The following ANKRD27 variants were observed in gnomAD, a reference collection of about 807,000 sequenced individuals.
The protein encoded by ANKRD27 is ankyrin repeat domain 27.
Under a neutral mutation model 129.7 loss-of-function variants are expected in ANKRD27, and 112 were observed. The observed-to-expected ratio is 0.86, with a 90% CI of 0.74 to 1.01. The LOEUF (loss-of-function observed/expected upper bound fraction) is 1.01, where lower values mean the gene tolerates loss of function less well. Among genes scored for constraint, ANKRD27 ranks in the 50% least tolerant of loss-of-function variants. ANKRD27 has a pLI of 0.00. For missense variants in ANKRD27, 1,258 were observed against 1,300.5 expected, an observed-to-expected ratio of 0.97 and a Z score of 0.50; for synonymous variants, 516 against 511.2, an observed-to-expected ratio of 1.01 and a Z score of -0.13.
At chr19:32,599,676 G>T in intron 28 of ANKRD27, 28 bp downstream of exon 28, 2 of 1,589,366 alleles carry the variant, frequency 1.3e-6, no homozygotes, top group Non-Finnish European at 1.7e-6. Context: ...TAGAAAATAT[G>T]ATTAAAAGCC....
Position 32,644,386 on chromosome 19 carries a change from T to G in ANKRD27, c.464A>C (p.Asn155Thr). The G allele has an allele frequency of 5.0e-6, 8 of 1,614,072 alleles. No individual in the cohort carries two copies. Among genetic ancestry groups the G allele is most frequent in the Non-Finnish European group, 6.8e-6 (8 of 1,180,008 alleles). Residue 155 changes from asparagine to threonine, a missense_variant, in exon 5 of 29, where the codon AAC (asparagine) becomes ACC (threonine). Physicochemically the swap from Asn to Thr is moderately conservative, Grantham distance 65 (BLOSUM62 0). Coordinates refer to ENST00000306065, the MANE Select transcript of ANKRD27 (RefSeq NM_032139.3). ...GAATGTTCGATGGAAAGAGGCGATG[T>G]TCCTGTCAAATCGCTCGGAGTGTCT... ...LGRHSERFDR[N>T]IASFHRTFRE...
At chr19:32,673,182 G>A (rs948807603) in intron 1 of ANKRD27, 59 of 614,530 alleles carry the variant, frequency 9.6e-5, no homozygotes, top group South Asian at 7.2e-5. Flanking sequence ...TCCCAGGGAA[G>A]CTGCCGGCCA....
chr19:32,600,613 T>C (rs555949692), intron 26 of ANKRD27, among the ~76,000 whole-genome samples: 7 of 152,294 alleles, frequency 4.6e-5, no homozygotes, highest in African/African-American at 1.7e-4. Flanking sequence ...ATTTCCTGAT[T>C]TGGATCCTCA....
At chr19:32,668,933 C>A (rs1207757120) in intron 1 of ANKRD27, among the ~76,000 whole-genome samples, 2 of 152,088 alleles carry the variant, frequency 1.3e-5, no homozygotes, top group Non-Finnish European at 2.9e-5. Context: ...GATGAAGAAA[C>A]TGAGATGCAG....
chr19:32,628,328 G>A (rs1318995613), intron 14 of ANKRD27, among the ~76,000 whole-genome samples, 163 bp from the exon 15 acceptor site: 4 of 152,180 alleles, frequency 2.6e-5, no homozygotes, highest in South Asian at 4.1e-4. Flanking sequence ...CCAGCATGAG[G>A]AACAGAGGCA....
At chr19:32,668,264 C>T (rs148815183) in intron 1 of ANKRD27, among the ~76,000 whole-genome samples, 109 of 152,196 alleles carry the variant, frequency 7.2e-4, no homozygotes, top group African/African-American at 2.6e-3. Flanking sequence ...GCAATCCTCC[C>T]ACCTTAGCCT....
rs2145308331 is a variant in ANKRD27 at position 32,649,805 on chromosome 19, A to C, written c.103-13T>G. 1.3e-6 allele frequency: 2 copies of C among 1,557,982 alleles called. No homozygotes were observed. Among genetic ancestry groups the C allele is most frequent in the East Asian group, 4.5e-5 (2 of 44,644 alleles). ...AGGGTACTAAGACCTGGAAAAAACA[A>C]TTCGGGGCAACATTAGACAGACGTG... is the stretch of plus-strand genomic sequence containing the variant. On this transcript the variant is annotated splice_polypyrimidine_tract_variant and intron_variant, in intron 2 of 28. Coordinates refer to ENST00000306065, the MANE Select transcript of ANKRD27 (RefSeq NM_032139.3).
At chr19:32,656,517 C>T (rs1035161865) in intron 2 of ANKRD27, among the ~76,000 whole-genome samples, 3 of 152,002 alleles carry the variant, frequency 2.0e-5, no homozygotes, top group Non-Finnish European at 4.4e-5. Context: ...CCAGGCGTGA[C>T]AGCTCATGCC....
chr19:32,622,493 G>A lies in ANKRD27; in HGVS notation c.1756C>T (p.Gln586Ter), dbSNP rs769090047. The A allele has an allele frequency of 8.9e-6, 14 of 1,579,256 alleles. No homozygotes were observed. In the Admixed American group the frequency reaches 2.1e-4, roughly 24 times the overall value. Residue 586 changes from glutamine (Q) to a stop codon, truncating the protein, a stop_gained, in exon 18 of 29, where the codon CAG (glutamine) becomes TAG (stop). Coordinates refer to ENST00000306065, the MANE Select transcript of ANKRD27 (RefSeq NM_032139.3). LOFTEE classifies it high-confidence loss of function. ...GYQGVIETLL[Q>*]NGASTEIQNR... ...TGGATCTCGGTGGACGCTCCGTTCT[G>A]CAGCAATGTCTCTATGACGCCTTGG...
rs946206865 is a variant in ANKRD27 at position 32,626,269 on chromosome 19, G to A, written c.1537-303C>T. Among the ~76,000 whole-genome samples, 55 of 152,108 alleles carry A rather than the reference G, an allele frequency of 3.6e-4. 1 individual carries two copies. Among genetic ancestry groups the A allele is most frequent in the Admixed American group, 3.4e-3 (52 of 15,254 alleles). On this transcript the variant is annotated intron_variant, in intron 16 of 28. Transcript: ENST00000306065. ...TGCAGCCTCGACCTGCTGGGCTCTG[G>A]CAAACCTCCTGCATCAGCCTCTCAA...
At chr19:32,658,792 G>T in intron 2 of ANKRD27, 122 bp downstream of exon 2, 2 of 858,838 alleles carry the variant, frequency 2.3e-6, no homozygotes, top group South Asian at 1.5e-5. Flanking sequence ...CACAGACCAA[G>T]CACACTGCTG....
chr19:32,668,560 C>T (rs935506703), intron 1 of ANKRD27, among the ~76,000 whole-genome samples: 2 of 151,400 alleles, frequency 1.3e-5, no homozygotes, highest in African/African-American at 4.9e-5. Context: ...ACAGCCTTGA[C>T]CTCCTGGGCT....
At chr19:32,653,709 A>G (rs1173856384) in intron 2 of ANKRD27, among the ~76,000 whole-genome samples, 1 of 115,974 alleles carries the variant, frequency 8.6e-6, no homozygotes, top group Non-Finnish European at 1.7e-5. Context: ...CTGCGAAGGA[A>G]GGCGCTTCGA....
intron 22 of ANKRD27, among the ~76,000 whole-genome samples, chr19:32,615,105 AG>A (rs1478538685): frequency 6.6e-6 from 1 of 152,206 alleles, no homozygotes; most frequent in African/African-American, 2.4e-5. Context: ...CACGGGACTC[AG>A]GGGCCCAGAT....
chr19:32,628,060 G>C, intron 15 of ANKRD27, 23 bp downstream of exon 15: 1 of 1,611,736 alleles, frequency 6.2e-7, no homozygotes, highest in Non-Finnish European at 8.5e-7. Context: ...ACAGCCCCTA[G>C]GGGCCAGCCC....
chr19:32,598,113 C>A lies in ANKRD27; in HGVS notation c.*32G>T, dbSNP rs1971596087. ...CATCATCTTGTTGCATCCTTGCTTCCTAGCAGTGGGTTCAACAACTCCTCA... is the reference window on the plus strand; with the variant it reads ...CATCATCTTGTTGCATCCTTGCTTCATAGCAGTGGGTTCAACAACTCCTCA... On this transcript the variant is annotated 3_prime_UTR_variant, in exon 29 of 29. Coordinates refer to ENST00000306065, the MANE Select transcript of ANKRD27 (RefSeq NM_032139.3). 1.3e-6 allele frequency: 2 copies of A among 1,589,208 alleles called. No individual in the cohort carries two copies. Among genetic ancestry groups the A allele is most frequent in the South Asian group, 2.2e-5 (2 of 90,570 alleles).
chr19:32,640,498 C>CGT (rs1967178312), intron 10 of ANKRD27, 113 bp from the exon 11 acceptor site: 1 of 834,412 alleles, frequency 1.2e-6, no homozygotes, highest in Non-Finnish European at 2.0e-6. Context: ...GGAGATCATA[C>CGT]ACTGGGGGAG....
chr19:32,630,780 G>T (rs1039525505), intron 13 of ANKRD27, among the ~76,000 whole-genome samples: 1 of 151,982 alleles, frequency 6.6e-6, no homozygotes, highest in Admixed American at 6.6e-5. Flanking sequence ...ACAGGTGCCC[G>T]CCACCACACC....
intron 5 of ANKRD27, 133 bp downstream of exon 5, chr19:32,644,192 A>T: frequency 9.2e-7 from 1 of 1,085,606 alleles, no homozygotes; most frequent in Non-Finnish European, 1.3e-6. Context: ...TTTTATAGTT[A>T]GAGAGAAACA....
Sources: gnomAD v4.1 joint callset for allele counts (sites outside exome capture counted in the v4.1 genomes callset) on GRCh38, gnomAD v4.1.1 for gene constraint, MANE v1.5 for transcripts, NCBI Gene and HGNC (gene_info 2026-07-23, HGNC 2026-07-21) for gene names.